BBS12: variants seen among roughly 807,000 people sequenced by gnomAD.
The protein encoded by BBS12 is Bardet-Biedl syndrome 12.
Under a neutral mutation model 5.6 loss-of-function variants are expected in BBS12, and 5 were observed. The ratio of observed to expected loss-of-function variants is 0.89; its 90% CI spans 0.46 to 1.86. BBS12 has a LOEUF of 1.86. Among genes scored for constraint, BBS12 ranks in the 40% most tolerant of loss-of-function variants. BBS12 has a pLI of 0.01. For missense variants in BBS12, 748 were observed against 830.4 expected, an observed-to-expected ratio of 0.90 and a Z score of 1.22; for synonymous variants, 308 against 306.8, an observed-to-expected ratio of 1.00 and a Z score of -0.04.
At chr4:122,701,000 G>A in the BBS12 span, among the ~76,000 whole-genome samples, 1 of 152,166 alleles carries the variant, frequency 6.6e-6, no homozygotes, top group Non-Finnish European at 1.5e-5. Context: ...CTGTGTGGCT[G>A]ATATATTTTG....
chr4:122,734,587 AATATT>A (rs1196922279), intron 1 of BBS12, among the ~76,000 whole-genome samples: 1 of 152,088 alleles, frequency 6.6e-6, no homozygotes, highest in Non-Finnish European at 1.5e-5. Flanking sequence ...TTTTAATACT[AATATT>A]AAAAGGATTT....
intron 1 of BBS12, among the ~76,000 whole-genome samples, chr4:122,733,427 C>CACACA (rs1800736004): frequency 2.8e-5 from 3 of 106,518 alleles, no homozygotes; most frequent in Non-Finnish European, 4.1e-5. Flanking sequence ...ACACACACAT[C>CACACA]CAGCCATTTC....
upstream of BBS12, chr4:122,731,243 C>T (rs1057331032): frequency 6.6e-6 from 1 of 152,210 alleles, no homozygotes; most frequent in African/African-American, 2.4e-5. Flanking sequence ...TTGTATCTTT[C>T]AATGCTCCTT....
At chr4:122,733,143 G>T (rs1800725984) in intron 1 of BBS12, among the ~76,000 whole-genome samples, 1 of 152,162 alleles carries the variant, frequency 6.6e-6, no homozygotes, top group South Asian at 2.1e-4. Flanking sequence ...CCTCCTCCCT[G>T]TTTTGGGCAG....
At chr4:122,716,673 GTA>G in the BBS12 span, among the ~76,000 whole-genome samples, 5 of 94,734 alleles carry the variant, frequency 5.3e-5, no homozygotes, top group African/African-American at 1.3e-4. Flanking sequence ...ACACATATGT[GTA>G]TATATACACA....
chr4:122,714,907 C>T, the BBS12 span, among the ~76,000 whole-genome samples: 1 of 152,008 alleles, frequency 6.6e-6, no homozygotes, highest in African/African-American at 2.4e-5. Flanking sequence ...ACATGCTTAT[C>T]ATGACAATAC....
the BBS12 span, among the ~76,000 whole-genome samples, chr4:122,713,782 T>A: frequency 6.6e-6 from 1 of 152,228 alleles, no homozygotes; most frequent in Non-Finnish European, 1.5e-5. Flanking sequence ...TTGGAAGACT[T>A]GCCAGATATT....
chr4:122,712,033 TCCAGGTTCA>T, the BBS12 span, among the ~76,000 whole-genome samples: 2 of 152,192 alleles, frequency 1.3e-5, no homozygotes, highest in Non-Finnish European at 2.9e-5. Flanking sequence ...ACACCAGAAC[TCCAGGTTCA>T]CCAGTCTTTG....
the BBS12 span, among the ~76,000 whole-genome samples, chr4:122,716,628 CAT>C: frequency 0.014 from 1,426 of 100,104 alleles, 61 homozygotes; most frequent in Non-Finnish European, 0.021. Flanking sequence ...TGCACATACA[CAT>C]ATGTATATAC....
At chr4:122,738,557 A>C (rs1800820321) in intron 1 of BBS12, among the ~76,000 whole-genome samples, 1 of 152,312 alleles carries the variant, frequency 6.6e-6, no homozygotes, top group East Asian at 1.9e-4. Flanking sequence ...AAAATGCATA[A>C]TCCAAAAAGT....
At chr4:122,733,526 G>C (rs1054378886) in intron 1 of BBS12, among the ~76,000 whole-genome samples, 1 of 152,058 alleles carries the variant, frequency 6.6e-6, no homozygotes, top group African/African-American at 2.4e-5. Flanking sequence ...TGATTATCCA[G>C]TTGATTCAGT....
the BBS12 span, among the ~76,000 whole-genome samples, chr4:122,721,276 C>T: frequency 6.6e-6 from 1 of 151,840 alleles, no homozygotes; most frequent in African/African-American, 2.4e-5. Flanking sequence ...TTATAAAAGA[C>T]AAAAAATAAT....
intron 1 of BBS12, among the ~76,000 whole-genome samples, chr4:122,735,756 A>G (rs1800775593): frequency 6.6e-6 from 1 of 152,230 alleles, no homozygotes; most frequent in Non-Finnish European, 1.5e-5. Flanking sequence ...TACATCATTG[A>G]CTAAAATTGC....
chr4:122,719,178 G>A, the BBS12 span, among the ~76,000 whole-genome samples: 2 of 152,238 alleles, frequency 1.3e-5, no homozygotes, highest in South Asian at 2.1e-4. Flanking sequence ...TCTGGGTCAG[G>A]TGGGGACTTG....
the BBS12 span, among the ~76,000 whole-genome samples, chr4:122,718,945 G>A: frequency 0.032 from 4,836 of 151,928 alleles, 277 homozygotes; most frequent in African/African-American, 0.11. Flanking sequence ...TCAGCCTCCC[G>A]AGTAGCTGGG....
upstream of BBS12, chr4:122,729,965 A>T (rs560554320): frequency 3.9e-4 from 60 of 152,278 alleles, no homozygotes; most frequent in African/African-American, 1.4e-3. Flanking sequence ...TATAAATAAA[A>T]TTTTTTAAAA....
At chr4:122,714,307 T>A in the BBS12 span, among the ~76,000 whole-genome samples, 1 of 152,188 alleles carries the variant, frequency 6.6e-6, no homozygotes, top group Non-Finnish European at 1.5e-5. Context: ...TCCAGAACTG[T>A]GAGAAAATAA....
the BBS12 span, among the ~76,000 whole-genome samples, chr4:122,703,464 C>T: frequency 1.3e-5 from 2 of 152,178 alleles, no homozygotes; most frequent in South Asian, 2.1e-4. Context: ...ATCACTTGAT[C>T]CCAGAAGTTT....
At chr4:122,703,675 C>T in the BBS12 span, among the ~76,000 whole-genome samples, 7 of 152,176 alleles carry the variant, frequency 4.6e-5, no homozygotes, top group African/African-American at 1.7e-4. Context: ...ACCCATTAAC[C>T]TGACTTAATA....
Sources: gnomAD v4.1 joint callset for allele counts (sites outside exome capture counted in the v4.1 genomes callset) on GRCh38, gnomAD v4.1.1 for gene constraint, MANE v1.5 for transcripts, NCBI Gene and HGNC (gene_info 2026-07-23, HGNC 2026-07-21) for gene names.